DCDC2: variants seen among roughly 807,000 people sequenced by gnomAD.
DCDC2 encodes the protein doublecortin domain containing 2.
In DCDC2, 40 loss-of-function variants were observed where a neutral mutation model predicts 50.2. That is an observed-to-expected ratio of 0.80 (90% CI 0.62 to 1.04). DCDC2 has a LOEUF of 1.04. Among genes scored for constraint, DCDC2 ranks in the 50% least tolerant of loss-of-function variants. The pLI, the probability that DCDC2 is intolerant of heterozygous loss-of-function variation, is 0.00. For missense variants in DCDC2, 570 were observed against 581.9 expected, an observed-to-expected ratio of 0.98 and a Z score of 0.21; for synonymous variants, 234 against 210.6, an observed-to-expected ratio of 1.11 and a Z score of -0.96.
chr6:24,339,023 A>G (rs793706), intron 2 of DCDC2, among the ~76,000 whole-genome samples: 151,704 of 152,234 alleles, frequency 1, 75,589 homozygotes, highest in Non-Finnish European at 1. Context: ...CCCATGCCTT[A>G]TCTCTCACAT....
At chr6:24,334,482 A>G (rs1760021043) in intron 2 of DCDC2, among the ~76,000 whole-genome samples, 1 of 152,184 alleles carries the variant, frequency 6.6e-6, no homozygotes, top group African/African-American at 2.4e-5. Flanking sequence ...ACACAGACAC[A>G]CCCATTCACT....
At chr6:24,180,919 A>C (rs1246388896) in intron 8 of DCDC2, among the ~76,000 whole-genome samples, 5 of 152,242 alleles carry the variant, frequency 3.3e-5, no homozygotes, top group Non-Finnish European at 5.9e-5. Context: ...TGGAACTAGT[A>C]ATAATTCTTA....
chr6:24,178,689 C>T, intron 8 of DCDC2, 57 bp from the exon 9 acceptor site: 1 of 1,475,626 alleles, frequency 6.8e-7, no homozygotes. Context: ...AACATTTCCA[C>T]TGCACATCAT....
intron 6 of DCDC2, among the ~76,000 whole-genome samples, chr6:24,281,053 C>G (rs576965683): frequency 3.6e-4 from 55 of 152,136 alleles, no homozygotes; most frequent in Middle Eastern, 3.4e-3. Flanking sequence ...ACGCAGAAGC[C>G]CCACTCTGGA....
chr6:24,232,070 TGATG>T (rs1257763467), intron 7 of DCDC2, among the ~76,000 whole-genome samples: 2 of 152,010 alleles, frequency 1.3e-5, no homozygotes, highest in Non-Finnish European at 2.9e-5. Flanking sequence ...TCAATTTTGT[TGATG>T]GAGTAGTTTA....
At chr6:24,278,001 A>C in intron 7 of DCDC2, 48 bp downstream of exon 7, 1 of 1,452,368 alleles carries the variant, frequency 6.9e-7, no homozygotes, top group Non-Finnish European at 9.4e-7. Flanking sequence ...GGATCTATTT[A>C]AGAATTAAAA....
In DCDC2 at chr6:24,205,104, T is replaced by A; in HGVS notation, c.923-2A>T. On this transcript the variant is annotated splice_acceptor_variant, in intron 7 of 9. Transcript: ENST00000378454. LOFTEE classifies it high-confidence loss of function. ...CTCCAGCTTTGAAAATGCCTTCATC[T>A]ATTGAGACAAACACACAGTGAAAAT... 1 of 1,614,160 alleles carries A rather than the reference T, an allele frequency of 6.2e-7. No homozygotes were observed. The highest frequency in any genetic ancestry group is 8.5e-7 in the Non-Finnish European group (1 of 1,180,008).
At chr6:24,302,998 C>T (rs1759409837) in intron 2 of DCDC2, among the ~76,000 whole-genome samples, 1 of 152,050 alleles carries the variant, frequency 6.6e-6, no homozygotes, top group African/African-American at 2.4e-5. Flanking sequence ...TAGATCCTCA[C>T]CATTTTTCTC....
the DCDC2 span, among the ~76,000 whole-genome samples, chr6:24,375,589 C>T: frequency 0.023 from 3,467 of 152,226 alleles, 80 homozygotes; most frequent in African/African-American, 0.064. Flanking sequence ...CAGATCTCAG[C>T]TGAACATTTA....
chr6:24,219,106 T>C (rs1204168637), intron 7 of DCDC2, among the ~76,000 whole-genome samples: 1 of 152,224 alleles, frequency 6.6e-6, no homozygotes, highest in Non-Finnish European at 1.5e-5. Flanking sequence ...TTGAATTAAC[T>C]TTTATTTTGT....
intron 7 of DCDC2, among the ~76,000 whole-genome samples, chr6:24,258,724 C>T (rs1006839688): frequency 6.6e-6 from 1 of 152,194 alleles, no homozygotes; most frequent in Non-Finnish European, 1.5e-5. Flanking sequence ...AGGTCACACA[C>T]ATAACTCTGA....
chr6:24,285,511 G>C (rs1365815100), intron 6 of DCDC2, among the ~76,000 whole-genome samples: 1 of 152,244 alleles, frequency 6.6e-6, no homozygotes, highest in East Asian at 1.9e-4. Context: ...GAGTATCAGA[G>C]AGAGCATCAG....
upstream of DCDC2, among the ~76,000 whole-genome samples, chr6:24,359,455 T>TTATATATACTATATAGTATATATATA (rs1760614368): frequency 1.9e-5 from 1 of 54,014 alleles, no homozygotes; most frequent in African/African-American, 7.5e-5. Flanking sequence ...GTATATATAT[T>TTATATATACTATATAGTATATATATA]TATATATACT....
At chr6:24,335,862 C>T (rs1407312023) in intron 2 of DCDC2, among the ~76,000 whole-genome samples, 1 of 152,084 alleles carries the variant, frequency 6.6e-6, no homozygotes, top group African/African-American at 2.4e-5. Context: ...CCCCATGATC[C>T]AATCACCTCC....
chr6:24,182,100 G>C (rs1379999578), intron 8 of DCDC2, among the ~76,000 whole-genome samples: 1 of 152,108 alleles, frequency 6.6e-6, no homozygotes, highest in Non-Finnish European at 1.5e-5. Context: ...TGGGAAAATT[G>C]GATATCTACA....
chr6:24,345,248 A>T (rs1760233811), intron 2 of DCDC2, among the ~76,000 whole-genome samples: 1 of 152,192 alleles, frequency 6.6e-6, no homozygotes, highest in Non-Finnish European at 1.5e-5. Flanking sequence ...TCTAGAATCC[A>T]TTTAATGTCT....
At chr6:24,320,961 A>AAT (rs1759763706) in intron 2 of DCDC2, among the ~76,000 whole-genome samples, 1 of 151,502 alleles carries the variant, frequency 6.6e-6, no homozygotes. Flanking sequence ...AAAAAATTAA[A>AAT]AAAAAAAAAA....
At chr6:24,370,310 C>T in the DCDC2 span, among the ~76,000 whole-genome samples, 3 of 152,126 alleles carry the variant, frequency 2.0e-5, no homozygotes, top group East Asian at 1.9e-4. Flanking sequence ...TGTAAAATGG[C>T]GCAGCCTCTT....
chr6:24,222,865 T>C (rs1161039077), intron 7 of DCDC2, among the ~76,000 whole-genome samples: 1 of 152,234 alleles, frequency 6.6e-6, no homozygotes, highest in East Asian at 1.9e-4. Flanking sequence ...TTAAAGCCAT[T>C]ATTATTTCCA....
Sources: allele counts gnomAD v4.1 joint callset (sites outside exome capture counted in the v4.1 genomes callset), GRCh38; gene constraint gnomAD v4.1.1; transcripts MANE v1.5; gene names NCBI Gene and HGNC (gene_info 2026-07-23, HGNC 2026-07-21).